The following BPNT1 variants were observed in gnomAD, a reference collection of about 807,000 sequenced individuals.
The protein encoded by BPNT1 is 3'(2'),5'-bisphosphate nucleotidase 1.
A neutral mutation model predicts 36.9 loss-of-function variants in BPNT1; 28 were observed. That is an observed-to-expected ratio of 0.76 (90% CI 0.56 to 1.04). The LOEUF is 1.04. Ranked by LOEUF, BPNT1 falls within the 50% of genes least tolerant of loss-of-function variation. The pLI, the probability that BPNT1 is intolerant of heterozygous loss-of-function variation, is 0.00. For missense variants in BPNT1, 313 were observed against 372.9 expected (o/e 0.84, Z 1.32); for synonymous variants, 119 against 130.9 (o/e 0.91, Z 0.62).
At chr1:220,077,132 T>C (rs1236294945) in intron 2 of BPNT1, among the ~76,000 whole-genome samples, 1 of 152,210 alleles carries the variant, frequency 6.6e-6, no homozygotes, top group Non-Finnish European at 1.5e-5. Context: ...AGTGATCCTT[T>C]TCCAGGATGA....
intron 1 of BPNT1, 31 bp from the exon 2 acceptor site, chr1:220,079,885 A>G (rs1459123778): frequency 2.5e-6 from 4 of 1,597,724 alleles, no homozygotes; most frequent in Non-Finnish European, 3.4e-6. Context: ...ATGTCTTGTT[A>G]GTTTCAAAGC....
intron 7 of BPNT1, among the ~76,000 whole-genome samples, chr1:220,062,209 T>A (rs1272867727): frequency 2.0e-5 from 3 of 151,602 alleles, no homozygotes; most frequent in African/African-American, 7.3e-5. Flanking sequence ...TAGTTACATA[T>A]GTATACATGT....
Position 220,057,679 on chromosome 1 carries a change from T to C in BPNT1, c.*1165A>G, listed in dbSNP as rs1246617998. The C allele has an allele frequency of 5.0e-6, 2 of 402,058 alleles. No homozygotes were observed. Among genetic ancestry groups the C allele is most frequent in the Non-Finnish European group, 9.5e-6 (2 of 209,438 alleles). 24.9% of individuals were successfully genotyped at this position (402,058 alleles called of 1,614,324 possible). ...ATAAACTAATCCCCAAAGTCGAGAA[T>C]GTATAATTTTCAAACACTTTTTTAA... On this transcript the variant is annotated 3_prime_UTR_variant, in exon 9 of 9. Coordinates refer to ENST00000322067, the MANE Select transcript of BPNT1 (RefSeq NM_006085.6).
At chr1:220,076,374 G>A (rs1233155611) in intron 2 of BPNT1, among the ~76,000 whole-genome samples, 3 of 151,780 alleles carry the variant, frequency 2.0e-5, no homozygotes, top group African/African-American at 7.3e-5. Context: ...GGTGGCGGGC[G>A]CCTGTAGTCC....
intron 4 of BPNT1, 31 bp from the exon 5 acceptor site, chr1:220,069,463 T>G (rs750208699): frequency 1.3e-6 from 2 of 1,550,468 alleles, no homozygotes; most frequent in Non-Finnish European, 1.8e-6. Context: ...GGAAAATATC[T>G]AAATCAAGCA....
At chr1:220,078,187 TA>T (rs756467379) in intron 2 of BPNT1, among the ~76,000 whole-genome samples, 1,169 of 116,816 alleles carry the variant, frequency 0.01, 7 homozygotes, top group South Asian at 0.029. Flanking sequence ...CTTGTCTCTT[TA>T]AAAAAAAAAA....
intron 1 of BPNT1, among the ~76,000 whole-genome samples, chr1:220,086,596 GAC>G (rs1044301189): frequency 6.6e-6 from 1 of 150,708 alleles, no homozygotes; most frequent in African/African-American, 2.4e-5. Context: ...GTTTTTCTGA[GAC>G]AGAGTCTCAC....
intron 5 of BPNT1, among the ~76,000 whole-genome samples, chr1:220,067,769 T>A (rs1230266849): frequency 6.6e-6 from 1 of 152,224 alleles, no homozygotes; most frequent in African/African-American, 2.4e-5. Context: ...ATTTCAAGCC[T>A]TTAAAACAGA....
intron 2 of BPNT1, among the ~76,000 whole-genome samples, chr1:220,075,285 G>A (rs1341508833): frequency 6.6e-5 from 10 of 152,072 alleles, no homozygotes; most frequent in Non-Finnish European, 1.2e-4. Flanking sequence ...CTCATGATCC[G>A]CCCACCTCGG....
chr1:220,059,679 G>C lies in BPNT1; in HGVS notation c.778+7C>G, dbSNP rs1662843656. ...ACTATGAATTTCCTCAAATAAAACA[G>C]ACTAACCTCCCACAGCATGTAAAAT... On this transcript the variant is annotated splice_region_variant and intron_variant, in intron 8 of 8. Transcript: ENST00000322067. 1 of 1,589,096 alleles carries C rather than the reference G, an allele frequency of 6.3e-7. No homozygotes were observed. The highest frequency in any genetic ancestry group is 8.6e-7 in the Non-Finnish European group (1 of 1,166,922).
At chr1:220,079,906 T>A in intron 1 of BPNT1, 52 bp from the exon 2 acceptor site, 1 of 1,554,974 alleles carries the variant, frequency 6.4e-7, no homozygotes, top group Non-Finnish European at 8.8e-7. Flanking sequence ...CAACTACTGG[T>A]TTTATTTATT....
rs773245779 is a variant in BPNT1 at position 220,074,020 on chromosome 1, T to G, written c.172A>C (p.Ile58Leu). 8.7e-6 allele frequency: 14 copies of G among 1,614,192 alleles called. No individual in the cohort carries two copies. In the South Asian group the frequency reaches 1.3e-4, roughly 15 times the overall value. ...AATTTCCGGGCCAATGAAGAACATA[T>G]GCTCATCTGTGCCAATCGGTCAGCT... ...TKADRLAQMS[I>L]CSSLARKFPK... The change falls in exon 3 of 9, where the codon ATA becomes CTA. Residue 58 changes from isoleucine (I) to leucine (L), a missense_variant. Coordinates refer to ENST00000322067, the MANE Select transcript of BPNT1 (RefSeq NM_006085.6).
At chr1:220,060,084 T>C (rs1167359131) in intron 7 of BPNT1, among the ~76,000 whole-genome samples, 1 of 152,208 alleles carries the variant, frequency 6.6e-6, no homozygotes, top group Non-Finnish European at 1.5e-5. Context: ...TAAAGTAACA[T>C]GTTCCTTTTA....
chr1:220,061,549 AC>A (rs1232384626), intron 7 of BPNT1, among the ~76,000 whole-genome samples: 6 of 151,394 alleles, frequency 4.0e-5, no homozygotes, highest in African/African-American at 1.2e-4. Flanking sequence ...AAAAAAAAAA[AC>A]AAAAAACTAT....
intron 6 of BPNT1, chr1:220,065,981 T>G: frequency 1.2e-6 from 1 of 821,662 alleles, no homozygotes; most frequent in Non-Finnish European, 1.8e-6. Context: ...TGAACTGGTA[T>G]GTGGGATGTA....
At chr1:220,062,010 G>T (rs182231129) in intron 7 of BPNT1, among the ~76,000 whole-genome samples, 97 of 149,800 alleles carry the variant, frequency 6.5e-4, no homozygotes, top group African/African-American at 2.3e-3. Flanking sequence ...TCATCCTGAT[G>T]ACTTTCATTA....
chr1:220,073,435 T>C (rs1179332675), intron 3 of BPNT1, among the ~76,000 whole-genome samples: 1 of 152,000 alleles, frequency 6.6e-6, no homozygotes, highest in Non-Finnish European at 1.5e-5. Context: ...ATTACAGGCA[T>C]TCACCACCAA....
At chr1:220,061,449 G>T (rs956361915) in intron 7 of BPNT1, among the ~76,000 whole-genome samples, 1 of 151,200 alleles carries the variant, frequency 6.6e-6, no homozygotes, top group Non-Finnish European at 1.5e-5. Context: ...CAGGAGAATC[G>T]CTTGAACCCG....
At chr1:220,078,012 A>G (rs1664711262) in intron 2 of BPNT1, among the ~76,000 whole-genome samples, 1 of 151,818 alleles carries the variant, frequency 6.6e-6, no homozygotes, top group Non-Finnish European at 1.5e-5. Flanking sequence ...CCCCATCTCC[A>G]CAAAATAAAA....
Sources: gnomAD v4.1 joint callset for allele counts (sites outside exome capture counted in the v4.1 genomes callset) on GRCh38, gnomAD v4.1.1 for gene constraint, MANE v1.5 for transcripts, NCBI Gene and HGNC (gene_info 2026-07-23, HGNC 2026-07-21) for gene names.